FHIT: variants seen among roughly 807,000 people sequenced by gnomAD.
FHIT encodes fragile histidine triad diadenosine triphosphatase, also known as bis(5'-adenosyl)-triphosphatase.
In FHIT, 19 loss-of-function variants were observed where a neutral mutation model predicts 17.9. The ratio of observed to expected loss-of-function variants is 1.06; its 90% CI spans 0.74 to 1.56. The LOEUF (loss-of-function observed/expected upper bound fraction) is 1.56, where lower values mean the gene tolerates loss of function less well. Ranked by LOEUF, FHIT falls within the 40% of genes most tolerant of loss-of-function variation. The pLI is 0.00. For missense variants in FHIT, 248 were observed against 189.2 expected, an observed-to-expected ratio of 1.31 and a Z score of -1.82; for synonymous variants, 81 against 69.7, an observed-to-expected ratio of 1.16 and a Z score of -0.81.
At chr3:60,185,464 T>C (rs1702119203) in intron 5 of FHIT, among the ~76,000 whole-genome samples, 1 of 152,214 alleles carries the variant, frequency 6.6e-6, no homozygotes, top group Non-Finnish European at 1.5e-5. Flanking sequence ...TTCCTTTTTA[T>C]TGCTGAGTAA....
chr3:60,790,036 A>G (rs1474393865), intron 4 of FHIT, among the ~76,000 whole-genome samples: 2 of 152,244 alleles, frequency 1.3e-5, no homozygotes, highest in Non-Finnish European at 2.9e-5. Context: ...CAATTTACAT[A>G]TAAATAGGCT....
intron 1 of FHIT, among the ~76,000 whole-genome samples, chr3:61,227,556 T>C (rs1029918676): frequency 2.6e-5 from 4 of 152,032 alleles, no homozygotes; most frequent in African/African-American, 7.2e-5. Flanking sequence ...AAAATTAATA[T>C]AAGCAGTTGG....
intron 4 of FHIT, among the ~76,000 whole-genome samples, chr3:60,566,006 A>G (rs2037120515): frequency 6.6e-6 from 1 of 151,936 alleles, no homozygotes; most frequent in Admixed American, 6.6e-5. Flanking sequence ...TTCTGCCTTC[A>G]TTTTTTTATG....
intron 5 of FHIT, among the ~76,000 whole-genome samples, chr3:60,416,690 A>T (rs1337487946): frequency 6.6e-6 from 1 of 152,150 alleles, no homozygotes; most frequent in African/African-American, 2.4e-5. Flanking sequence ...AGCAGGCATG[A>T]TTTGGCTTAG....
At chr3:59,830,848 A>G (rs1471386443) in intron 8 of FHIT, among the ~76,000 whole-genome samples, 1 of 152,156 alleles carries the variant, frequency 6.6e-6, no homozygotes, top group Non-Finnish European at 1.5e-5. Context: ...TAATTGGGTC[A>G]TTTTTTCACT....
At chr3:60,592,024 G>A (rs1247419291) in intron 4 of FHIT, among the ~76,000 whole-genome samples, 3 of 151,762 alleles carry the variant, frequency 2.0e-5, no homozygotes, top group African/African-American at 7.3e-5. Context: ...AAAAGAAACA[G>A]AAAATCGGAT....
At chr3:60,757,406 T>G (rs1219129430) in intron 4 of FHIT, among the ~76,000 whole-genome samples, 1 of 152,186 alleles carries the variant, frequency 6.6e-6, no homozygotes, top group East Asian at 1.9e-4. Flanking sequence ...TTATGGTTTG[T>G]GATAAATGCT....
intron 5 of FHIT, among the ~76,000 whole-genome samples, chr3:60,511,074 T>A (rs978723025): frequency 2.0e-5 from 3 of 152,148 alleles, no homozygotes; most frequent in African/African-American, 7.2e-5. Flanking sequence ...TGGTCAAGAA[T>A]CTAAACTCTA....
In FHIT at chr3:61,196,968, G is replaced by A. The variant is rs539406593; in HGVS notation, c.-164+3649C>T. On this transcript the variant is annotated intron_variant, in intron 2 of 9. Transcript: ENST00000492590. The stretch of plus-strand genomic sequence containing the variant: ...GGGAGCCCAGAGAATGCCTGCGATA[G>A]AGGTTAGGCCCATGGTGCAGAGCCA... Among the ~76,000 whole-genome samples the A allele has an allele frequency of 5.9e-5, 9 of 152,318 alleles. No homozygotes were observed. In the South Asian group the frequency reaches 1.9e-3, roughly 32 times the overall value.
Position 60,581,766 on chromosome 3 carries a change from T to C in FHIT, c.-17-44787A>G, listed in dbSNP as rs75666649. ...AGTGATGAGGTTATCAAAGTCCAAGTGATTATTGGTCCCAAACAGAATCCA... is the reference window on the plus strand; with the variant it reads ...AGTGATGAGGTTATCAAAGTCCAAGCGATTATTGGTCCCAAACAGAATCCA... On this transcript the variant is annotated intron_variant, in intron 4 of 9. Transcript: ENST00000492590. 4.2e-3 allele frequency among the ~76,000 whole-genome samples: 643 copies of C among 152,128 alleles called. 4 individuals carry two copies. Among genetic ancestry groups the C allele is most frequent in the Non-Finnish European group, 7.9e-3 (534 of 67,980 alleles).
At chr3:61,086,102 T>C (rs2035298330) in intron 2 of FHIT, among the ~76,000 whole-genome samples, 1 of 152,170 alleles carries the variant, frequency 6.6e-6, no homozygotes, top group South Asian at 2.1e-4. Flanking sequence ...TTTTTTTCTG[T>C]CTCTCTACAT....
Position 59,748,011 on chromosome 3 carries a change from G to C in FHIT, c.*1574C>G, listed in dbSNP as rs182573014. Among the ~76,000 whole-genome samples, 3 of 151,988 alleles carry C rather than the reference G, an allele frequency of 2.0e-5. No homozygotes were observed. Among genetic ancestry groups the C allele is most frequent in the Non-Finnish European group, 4.4e-5 (3 of 67,998 alleles). ...CTGAATATGCCAAATGGAGAGTTTC[G>C]GTTTGGTGCTAGAATTAAATGCCCC... On this transcript the variant is annotated 3_prime_UTR_variant, in exon 10 of 10. Coordinates refer to ENST00000492590, the MANE Select transcript of FHIT (RefSeq NM_002012.4).
intron 4 of FHIT, among the ~76,000 whole-genome samples, chr3:60,664,301 A>G (rs918396191): frequency 3.3e-5 from 5 of 152,096 alleles, no homozygotes; most frequent in African/African-American, 7.2e-5. Context: ...TGTTGAACCA[A>G]CCTTACATAC....
intron 5 of FHIT, among the ~76,000 whole-genome samples, chr3:60,534,360 G>A (rs1388391136): frequency 1.4e-5 from 2 of 144,514 alleles, no homozygotes. Flanking sequence ...GTGAACCCGG[G>A]AAGCGGAGCT....
intron 4 of FHIT, among the ~76,000 whole-genome samples, chr3:60,667,879 G>A (rs1442918941): frequency 6.6e-6 from 1 of 151,882 alleles, no homozygotes; most frequent in African/African-American, 2.4e-5. Flanking sequence ...GTTGCAAGAG[G>A]CCACTGGTTC....
At position 59,907,469 on chromosome 3, in the gene FHIT, G is replaced by A. The variant is rs138995426; in HGVS notation, c.348+14877C>T. On this transcript the variant is annotated intron_variant, in intron 8 of 9. Coordinates refer to ENST00000492590, the MANE Select transcript of FHIT (RefSeq NM_002012.4). ...GTGTGAGAGAGAAATGATTCATGCA[G>A]GGATAAGGACACAGAAGAGTTCTAA... Among the ~76,000 whole-genome samples, 22 of 152,304 alleles carry A rather than the reference G, an allele frequency of 1.4e-4. 1 individual carries two copies. In the East Asian group the frequency reaches 4.1e-3, roughly 28 times the overall value.
chr3:60,037,159 A>T (rs944321639), intron 5 of FHIT, among the ~76,000 whole-genome samples: 7 of 152,150 alleles, frequency 4.6e-5, no homozygotes, highest in Admixed American at 3.9e-4. Flanking sequence ...AATTTATCTG[A>T]TTATTATTTT....
chr3:60,713,829 T>C (rs1276359993), intron 4 of FHIT, among the ~76,000 whole-genome samples: 14 of 151,498 alleles, frequency 9.2e-5, no homozygotes, highest in Non-Finnish European at 1.9e-4. Flanking sequence ...ACCAGATGGA[T>C]TCACAGCCGA....
At chr3:61,234,587 C>A (rs1322472910) in intron 1 of FHIT, among the ~76,000 whole-genome samples, 1 of 152,164 alleles carries the variant, frequency 6.6e-6, no homozygotes, top group Non-Finnish European at 1.5e-5. Flanking sequence ...AAAAAAGCCA[C>A]ACACTGAAAT....
Sources: gnomAD v4.1 joint callset for allele counts (sites outside exome capture counted in the v4.1 genomes callset) on GRCh38, gnomAD v4.1.1 for gene constraint, MANE v1.5 for transcripts, NCBI Gene and HGNC (gene_info 2026-07-23, HGNC 2026-07-21) for gene names.